Variants in TSHZ2 observed in about 807,000 individuals in gnomAD.
TSHZ2 encodes the protein teashirt homolog 2.
In TSHZ2, 21 loss-of-function variants were observed where a neutral mutation model predicts 74.4. The ratio of observed to expected loss-of-function variants is 0.28; its 90% CI spans 0.20 to 0.41. TSHZ2 has a LOEUF of 0.41. Ranked by LOEUF, TSHZ2 falls within the 10% of genes least tolerant of loss-of-function variation. The pLI is 1.00. For synonymous variants in TSHZ2, 540 were observed against 515.3 expected (o/e 1.05, Z -0.65); for missense variants, 1,244 against 1,293.5 (o/e 0.96, Z 0.59).
chr20:52,979,153 T>G (rs188310415), intron 1 of TSHZ2, among the ~76,000 whole-genome samples: 7 of 152,314 alleles, frequency 4.6e-5, no homozygotes, highest in Admixed American at 2.0e-4. Context: ...GCCTCTAACA[T>G]GTAACACTAT....
chr20:53,210,523 C>T (rs545702447), intron 1 of TSHZ2, among the ~76,000 whole-genome samples: 1 of 151,958 alleles, frequency 6.6e-6, no homozygotes, highest in Non-Finnish European at 1.5e-5. Flanking sequence ...AGCATTCAGA[C>T]GTTCCTTCTC....
At position 52,972,679 on chromosome 20, in the gene TSHZ2, C is replaced by A; in HGVS notation, c.-615C>A. On this transcript the variant is annotated 5_prime_UTR_variant, in exon 1 of 3. Transcript: ENST00000371497. Reference sequence around the variant, plus strand: ...TGATCGCTCTCCCCCCGGCACGAATCCGCCATAGAGATCGGCGAGGAGGAG... The same window carrying A: ...TGATCGCTCTCCCCCCGGCACGAATACGCCATAGAGATCGGCGAGGAGGAG... 6.9e-6 allele frequency: 1 copy of A among 145,684 alleles called. No individual in the cohort carries two copies. The highest frequency in any genetic ancestry group is 2.0e-4 in the South Asian group (1 of 4,974). 9.0% of individuals were successfully genotyped at this position (145,684 alleles called of 1,614,324 possible).
chr20:53,260,611 G>T (rs2123737895), intron 2 of TSHZ2, among the ~76,000 whole-genome samples: 1 of 152,316 alleles, frequency 6.6e-6, no homozygotes, highest in South Asian at 2.1e-4. Flanking sequence ...GGAAAAGAAT[G>T]CTGGATTTAA....
intron 1 of TSHZ2, among the ~76,000 whole-genome samples, chr20:53,036,227 A>G (rs1367919137): frequency 6.6e-6 from 1 of 152,194 alleles, no homozygotes; most frequent in Non-Finnish European, 1.5e-5. Flanking sequence ...TCCTTGCTGA[A>G]ATGATTCTAT....
rs567631234 is a variant in TSHZ2, at chr20:53,484,915, G to A, written c.*9-2229G>A. The stretch of plus-strand genomic sequence containing the variant: ...GTCTTTATCCTTCCACTAGAAATTT[G>A]GAAGCTTTCCTTTTCTAAAAAGACT... On this transcript the variant is annotated intron_variant, in intron 2 of 2. Transcript: ENST00000371497. 5.9e-5 allele frequency among the ~76,000 whole-genome samples: 9 copies of A among 152,132 alleles called. No individual in the cohort carries two copies. In the East Asian group the frequency reaches 1.7e-3, roughly 29 times the overall value.
intron 1 of TSHZ2, among the ~76,000 whole-genome samples, chr20:53,062,653 G>A (rs62206541): frequency 0.072 from 10,966 of 152,240 alleles, 423 homozygotes; most frequent in Non-Finnish European, 0.082. Flanking sequence ...GGAATGTTGT[G>A]GCTGGTTTGA....
intron 2 of TSHZ2, among the ~76,000 whole-genome samples, chr20:53,396,975 C>G (rs1221865017): frequency 6.6e-6 from 1 of 151,776 alleles, no homozygotes; most frequent in African/African-American, 2.4e-5. Flanking sequence ...AAAATTAATT[C>G]AAGATGGATT....
At chr20:53,471,678 G>C (rs1985805218) in intron 2 of TSHZ2, among the ~76,000 whole-genome samples, 1 of 152,144 alleles carries the variant, frequency 6.6e-6, no homozygotes, top group Non-Finnish European at 1.5e-5. Flanking sequence ...CCTGAGGCCA[G>C]TGTTCTTGGT....
At chr20:53,003,255 GGTGT>G (rs11468763) in intron 1 of TSHZ2, among the ~76,000 whole-genome samples, 35,364 of 139,374 alleles carry the variant, frequency 0.25, 4,716 homozygotes, top group Non-Finnish European at 0.33. Flanking sequence ...CTCCAGGGAT[GGTGT>G]GTGTGTGTGT....
At chr20:53,372,198 C>T (rs1240143890) in intron 2 of TSHZ2, among the ~76,000 whole-genome samples, 3 of 152,068 alleles carry the variant, frequency 2.0e-5, no homozygotes, top group African/African-American at 7.2e-5. Flanking sequence ...CAGTTCAGGC[C>T]GAGTGCAGTG....
intron 1 of TSHZ2, among the ~76,000 whole-genome samples, chr20:53,110,974 G>A (rs752184045): frequency 6.6e-6 from 1 of 152,156 alleles, no homozygotes; most frequent in African/African-American, 2.4e-5. Context: ...ATAGAAGGGT[G>A]GATCTAAATG....
intron 2 of TSHZ2, among the ~76,000 whole-genome samples, chr20:53,447,796 C>G (rs988365400): frequency 2.0e-5 from 3 of 152,320 alleles, no homozygotes; most frequent in Non-Finnish European, 4.4e-5. Flanking sequence ...ATGATGTGCT[C>G]TCTCCTCGGT....
At chr20:53,313,335 C>T (rs1044144473) in intron 2 of TSHZ2, among the ~76,000 whole-genome samples, 1 of 152,230 alleles carries the variant, frequency 6.6e-6, no homozygotes, top group African/African-American at 2.4e-5. Flanking sequence ...GCATTACACA[C>T]TTCCCTACCT....
chr20:53,363,690 G>A (rs1195397751), intron 2 of TSHZ2, among the ~76,000 whole-genome samples: 2 of 152,210 alleles, frequency 1.3e-5, no homozygotes, highest in Admixed American at 6.5e-5. Flanking sequence ...GCTCATGCCT[G>A]TAATCCCAAC....
intron 2 of TSHZ2, among the ~76,000 whole-genome samples, chr20:53,275,290 A>G (rs967636505): frequency 2.6e-5 from 4 of 152,158 alleles, no homozygotes; most frequent in African/African-American, 9.7e-5. Flanking sequence ...TCAAAAATGC[A>G]GAGTCTCCTC....
chr20:53,188,049 C>G (rs1988642587), intron 1 of TSHZ2, among the ~76,000 whole-genome samples: 1 of 152,186 alleles, frequency 6.6e-6, no homozygotes, highest in Non-Finnish European at 1.5e-5. Context: ...TCGTGGGTTA[C>G]AATCATGACA....
chr20:53,015,885 A>C (rs886889476), intron 1 of TSHZ2, among the ~76,000 whole-genome samples: 1 of 152,178 alleles, frequency 6.6e-6, no homozygotes, highest in Admixed American at 6.5e-5. Flanking sequence ...GGGGGCTGAA[A>C]GTAAGGGCAG....
chr20:53,390,689 G>A (rs941187656), intron 2 of TSHZ2, among the ~76,000 whole-genome samples: 1 of 152,092 alleles, frequency 6.6e-6, no homozygotes, highest in African/African-American at 2.4e-5. Context: ...TGGGTCAAAT[G>A]GTATTTCTGG....
At chr20:53,024,652 C>T (rs1351658772) in intron 1 of TSHZ2, among the ~76,000 whole-genome samples, 1 of 152,042 alleles carries the variant, frequency 6.6e-6, no homozygotes, top group Non-Finnish European at 1.5e-5. Flanking sequence ...TCCTAGCCCC[C>T]CACCCACCAA....
Sources: gnomAD v4.1 joint callset for allele counts (sites outside exome capture counted in the v4.1 genomes callset) on GRCh38, gnomAD v4.1.1 for gene constraint, MANE v1.5 for transcripts, NCBI Gene and HGNC (gene_info 2026-07-23, HGNC 2026-07-21) for gene names.